The following DHX57 variants were observed in gnomAD, a reference collection of about 807,000 sequenced individuals.
The protein encoded by DHX57 is putative ATP-dependent RNA helicase DHX57.
DHX57 carries 105 observed loss-of-function variants against 156.2 expected under a neutral mutation model. The ratio of observed to expected loss-of-function variants is 0.67; its 90% CI spans 0.57 to 0.79. The LOEUF is 0.79. Among genes scored for constraint, DHX57 ranks in the 30% least tolerant of loss-of-function variants. The pLI, the probability that DHX57 is intolerant of heterozygous loss-of-function variation, is 0.00. For missense variants in DHX57, 1,847 were observed against 1,661.9 expected (o/e 1.11, Z -1.94); for synonymous variants, 704 against 595.6 (o/e 1.18, Z -2.65).
chr2:38,831,939 T>C (rs556737343), intron 13 of DHX57, among the ~76,000 whole-genome samples: 7 of 151,956 alleles, frequency 4.6e-5, no homozygotes, highest in Middle Eastern at 3.4e-3. Context: ...GGAGAATTGC[T>C]TCAACCTGGG....
At chr2:38,815,985 C>CA (rs1670526983) in intron 19 of DHX57, 14 of 399,142 alleles carry the variant, frequency 3.5e-5, no homozygotes, top group South Asian at 2.3e-4. Context: ...CTTAGGACAG[C>CA]AAAAAATGCT....
chr2:38,873,438 C>G (rs1384397423), intron 1 of DHX57, among the ~76,000 whole-genome samples: 2 of 152,180 alleles, frequency 1.3e-5, no homozygotes, highest in African/African-American at 2.4e-5. Context: ...TTCCTTTCTT[C>G]AAAATTGCTG....
chr2:38,838,691 C>A (rs1001134121), intron 12 of DHX57: 7 of 429,338 alleles, frequency 1.6e-5, no homozygotes, highest in African/African-American at 1.0e-4. Flanking sequence ...GGACAGAGAC[C>A]CCAGCTTTCA....
At chr2:38,800,043 CG>C (rs1669599203) in intron 23 of DHX57, among the ~76,000 whole-genome samples, 1 of 151,322 alleles carries the variant, frequency 6.6e-6, no homozygotes, top group Non-Finnish European at 1.5e-5. Context: ...CAAAATTAGC[CG>C]GGTGGTGGCG....
rs201899943 is a variant in DHX57, at chr2:38,863,390, C to A, written c.354G>T (p.Leu118=). 1 of 1,612,740 alleles carries A rather than the reference C, an allele frequency of 6.2e-7. No individual in the cohort carries two copies. Among genetic ancestry groups the A allele is most frequent in the Non-Finnish European group, 8.5e-7 (1 of 1,179,728 alleles). The change falls in exon 3 of 24, where the codon CTG becomes CTT. Residue 118 remains leucine, a synonymous_variant. Coordinates refer to ENST00000457308, the MANE Select transcript of DHX57 (RefSeq NM_198963.3). The stretch of plus-strand genomic sequence containing the variant: ...ATCCAGCATCAGCATCTTGTTCTTG[C>A]AGGTCTCGGAGAAGAGCTTTCACTT... ...QEKVKALLRD[L]QEQDADAGSE... is the part of the protein sequence containing the mutation.
At chr2:38,858,946 G>C in intron 5 of DHX57, 110 bp from the exon 6 acceptor site, 2 of 1,095,038 alleles carry the variant, frequency 1.8e-6, no homozygotes, top group Non-Finnish European at 2.5e-6. Context: ...TGGAGAAAAA[G>C]TGAAAACTTG....
intron 9 of DHX57, among the ~76,000 whole-genome samples, chr2:38,851,545 C>A (rs185949017): frequency 1.3e-5 from 2 of 151,956 alleles, no homozygotes; most frequent in African/African-American, 4.8e-5. Flanking sequence ...TTTGAAGCAC[C>A]CTTCTCCACT....
chr2:38,811,463 G>T, intron 21 of DHX57: 1 of 648,446 alleles, frequency 1.5e-6, no homozygotes, highest in Non-Finnish European at 2.9e-6. Flanking sequence ...ACTCCTTGCT[G>T]ACGTCCTCAA....
At chr2:38,826,121 T>A in intron 15 of DHX57, 74 bp from the exon 16 acceptor site, 2 of 1,447,356 alleles carry the variant, frequency 1.4e-6, no homozygotes, top group Non-Finnish European at 1.9e-6. Context: ...ATGGACAGAA[T>A]AGATGAACCA....
intron 2 of DHX57, among the ~76,000 whole-genome samples, chr2:38,865,323 C>T (rs1665011680): frequency 6.6e-6 from 1 of 152,128 alleles, no homozygotes; most frequent in South Asian, 2.1e-4. Context: ...TAGTGAGTAA[C>T]TTCTCACGAG....
At chr2:38,813,746 T>C (rs992332742) in intron 21 of DHX57, 75 bp downstream of exon 21, 1 of 1,502,808 alleles carries the variant, frequency 6.7e-7, no homozygotes, top group Non-Finnish European at 9.2e-7. Context: ...ATGATTAATA[T>C]GCACATCTTA....
At position 38,819,091 on chromosome 2, in the gene DHX57, T is replaced by A; in HGVS notation, c.3345A>T (p.Ala1115=). ...EEANQKKLEF[A]FANSDYLALL... ...GGGCCAGATAATCACTGTTTGCGAATGCAAATTCCAGCTTTTTCTGGTTAG... is the reference window on the plus strand; with the variant it reads ...GGGCCAGATAATCACTGTTTGCGAAAGCAAATTCCAGCTTTTTCTGGTTAG... The change falls in exon 18 of 24, where the codon GCA becomes GCT. Residue 1115 remains alanine (A), a synonymous_variant. Coordinates refer to ENST00000457308, the MANE Select transcript of DHX57 (RefSeq NM_198963.3). The A allele has an allele frequency of 6.2e-7, 1 of 1,614,216 alleles. No individual in the cohort carries two copies. The highest frequency in any genetic ancestry group is 8.5e-7 in the Non-Finnish European group (1 of 1,180,036).
At position 38,855,189 on chromosome 2, in the gene DHX57, C is replaced by A. The variant is rs1279893674; in HGVS notation, c.1773G>T (p.Glu591Asp). Residue 591 changes from glutamate (E) to aspartate (D), a missense_variant, in exon 8 of 24, where the codon GAG becomes GAT. Coordinates refer to ENST00000457308, the MANE Select transcript of DHX57 (RefSeq NM_198963.3). ...ILDDSLNGPP[E>D]KVANIICTQP... Reference sequence around the variant, plus strand: ...GGGTACAGATGATGTTGGCTACCTTCTCAGGTGGTCCATTCAGAGAATCAT... The same window carrying A: ...GGGTACAGATGATGTTGGCTACCTTATCAGGTGGTCCATTCAGAGAATCAT... 9.3e-6 allele frequency: 15 copies of A among 1,614,164 alleles called. No individual in the cohort carries two copies. Among genetic ancestry groups the A allele is most frequent in the Non-Finnish European group, 1.3e-5 (15 of 1,180,022 alleles).
At chr2:38,829,283 ATTTT>A (rs36057730) in intron 13 of DHX57, among the ~76,000 whole-genome samples, 1 of 134,904 alleles carries the variant, frequency 7.4e-6, no homozygotes, top group Non-Finnish European at 1.6e-5. Context: ...TACACTGGCT[ATTTT>A]TTTTTTTTTT....
At chr2:38,803,087 C>G in intron 22 of DHX57, 172 bp from the exon 23 acceptor site, 1 of 638,604 alleles carries the variant, frequency 1.6e-6, no homozygotes, top group Non-Finnish European at 2.7e-6. Flanking sequence ...TTGCCATCTC[C>G]TCTTGGACAT....
intron 13 of DHX57, among the ~76,000 whole-genome samples, chr2:38,835,612 T>C (rs534333401): frequency 1.6e-4 from 25 of 152,328 alleles, no homozygotes; most frequent in African/African-American, 5.8e-4. Flanking sequence ...GCGGAGTTCA[T>C]GAGGACCTTT....
In DHX57 at chr2:38,826,590, G is replaced by C; in HGVS notation, c.2739C>G (p.Thr913=). ...PAGVTKIIIS[T]NIAETSITID... ...TGGTTATGGATGTCTCAGCAATGTT[G>C]GTGGAAATTATAATCTTAGTTACTC... Residue 913 remains threonine (T), a synonymous_variant, in exon 15 of 24, where the codon ACC becomes ACG. Transcript: ENST00000457308. 6.2e-7 allele frequency: 1 copy of C among 1,614,078 alleles called. No homozygotes were observed. The highest frequency in any genetic ancestry group is 8.5e-7 in the Non-Finnish European group (1 of 1,180,016).
intron 23 of DHX57, among the ~76,000 whole-genome samples, chr2:38,799,527 G>A (rs1166772686): frequency 2.7e-5 from 4 of 150,752 alleles, no homozygotes; most frequent in Non-Finnish European, 5.9e-5. Context: ...TGAGGTGGGC[G>A]GATCACCTGA....
intron 19 of DHX57, among the ~76,000 whole-genome samples, chr2:38,816,905 TG>T (rs1250480259): frequency 6.6e-6 from 1 of 151,974 alleles, no homozygotes; most frequent in Non-Finnish European, 1.5e-5. Flanking sequence ...CATATCCTAA[TG>T]AAAAAAAAAT....
Sources: allele counts gnomAD v4.1 joint callset (sites outside exome capture counted in the v4.1 genomes callset), GRCh38; gene constraint gnomAD v4.1.1; transcripts MANE v1.5; gene names NCBI Gene and HGNC (gene_info 2026-07-23, HGNC 2026-07-21).